IMMP2L: variants seen among roughly 807,000 people sequenced by gnomAD.
IMMP2L encodes the protein mitochondrial inner membrane protease subunit 2.
In IMMP2L, 18 loss-of-function variants were observed where a neutral mutation model predicts 19.3. The ratio of observed to expected loss-of-function variants is 0.93; its 90% confidence interval spans 0.64 to 1.38. IMMP2L has a LOEUF of 1.38. Among genes scored for constraint, IMMP2L ranks in the 40% most tolerant of loss-of-function variants. The probability of loss-of-function intolerance (pLI) is 0.00; values close to 1 mark genes in which losing one functional copy is unlikely to be tolerated. For synonymous variants in IMMP2L, 76 were observed against 73.0 expected, an observed-to-expected ratio of 1.04 and a Z score of -0.21; for missense variants, 233 against 218.2, an observed-to-expected ratio of 1.07 and a Z score of -0.43.
Position 111,299,598 on chromosome 7 carries a change from G to A in IMMP2L, c.239+187640C>T, listed in dbSNP as rs151008210. Reference sequence around the variant, plus strand: ...GAAAAAAAAAAAAAAAAAGAAATGCGTGATTATCTACTTAAAAAGGACACA... The same window carrying A: ...GAAAAAAAAAAAAAAAAAGAAATGCATGATTATCTACTTAAAAAGGACACA... On this transcript the variant is annotated intron_variant, in intron 3 of 5. Coordinates refer to ENST00000405709, the MANE Select transcript of IMMP2L (RefSeq NM_032549.4). Among the ~76,000 whole-genome samples, 629 of 150,130 alleles carry A rather than the reference G, an allele frequency of 4.2e-3. 5 individuals carry two copies. The highest frequency in any genetic ancestry group is 0.015 in the African/African-American group (596 of 40,830).
intron 4 of IMMP2L, among the ~76,000 whole-genome samples, chr7:110,929,682 T>C (rs1815261542): frequency 6.6e-6 from 1 of 152,166 alleles, no homozygotes; most frequent in Non-Finnish European, 1.5e-5. Context: ...GTACTCAACA[T>C]CTTCTGCCTA....
chr7:111,114,654 T>C lies in IMMP2L; in HGVS notation c.240-151089A>G, dbSNP rs555633262. ...GGGAGGCTGAGGCAGGAGAATTGTT[T>C]GAACCCAGGAGGTGGAGGGTGCAGT... On this transcript the variant is annotated intron_variant, in intron 3 of 5. Transcript: ENST00000405709. 1.9e-4 allele frequency among the ~76,000 whole-genome samples: 28 copies of C among 150,160 alleles called. 1 individual carries two copies. The South Asian group carries it at 5.7e-3, about 30-fold the overall frequency.
At chr7:111,547,018 G>A (rs1249521897) in intron 1 of IMMP2L, among the ~76,000 whole-genome samples, 1 of 152,134 alleles carries the variant, frequency 6.6e-6, no homozygotes, top group Non-Finnish European at 1.5e-5. Flanking sequence ...GAGCCAGGTA[G>A]GATAGGTCTT....
rs1017600346 is a variant in IMMP2L, at chr7:110,727,569, T to C, written c.409-63848A>G. Among the ~76,000 whole-genome samples, 32 of 152,124 alleles carry C rather than the reference T, an allele frequency of 2.1e-4. No individual in the cohort carries two copies. Among genetic ancestry groups the C allele is most frequent in the Non-Finnish European group, 4.4e-5 (3 of 68,032 alleles). On this transcript the variant is annotated intron_variant, in intron 5 of 5. Coordinates refer to ENST00000405709, the MANE Select transcript of IMMP2L (RefSeq NM_032549.4). This position sits in a 1 kb window ranked among gnomAD's most constrained non-coding sequence, Gnocchi z 4.3. Reference sequence around the variant, plus strand: ...GAAACTGATGTTAGCAAATTGAAGGTAGAGGAGAAGACAAGGTAGGGAAAG... The same window carrying C: ...GAAACTGATGTTAGCAAATTGAAGGCAGAGGAGAAGACAAGGTAGGGAAAG...
chr7:111,363,774 C>T (rs74677261), intron 3 of IMMP2L, among the ~76,000 whole-genome samples: 1,747 of 152,172 alleles, frequency 0.011, 22 homozygotes, highest in Non-Finnish European at 0.02. Flanking sequence ...ACAAGATTAC[C>T]TGATCCCTAT....
intron 3 of IMMP2L, among the ~76,000 whole-genome samples, chr7:111,083,371 G>T (rs1226122909): frequency 2.0e-5 from 3 of 152,152 alleles, no homozygotes; most frequent in Non-Finnish European, 4.4e-5. Context: ...CCAATTAGGA[G>T]AATAAAAATA....
chr7:110,932,410 G>C (rs1016012962), intron 4 of IMMP2L, among the ~76,000 whole-genome samples: 1 of 151,956 alleles, frequency 6.6e-6, no homozygotes, highest in Admixed American at 6.6e-5. Context: ...CTGGAGTGCA[G>C]TGGCAAGATC....
chr7:111,477,238 C>T (rs966762383), intron 3 of IMMP2L, among the ~76,000 whole-genome samples: 2 of 152,154 alleles, frequency 1.3e-5, no homozygotes, highest in Admixed American at 1.3e-4. Flanking sequence ...CCTCTACCAA[C>T]CACCAGGGCT....
At chr7:111,443,340 C>T (rs777622050) in intron 3 of IMMP2L, among the ~76,000 whole-genome samples, 1 of 149,634 alleles carries the variant, frequency 6.7e-6, no homozygotes, top group Admixed American at 6.6e-5. Flanking sequence ...GAACTTGCTA[C>T]TTTAAAGACA....
intron 3 of IMMP2L, among the ~76,000 whole-genome samples, chr7:110,965,402 A>T (rs993158004): frequency 2.6e-5 from 4 of 152,078 alleles, no homozygotes; most frequent in African/African-American, 9.6e-5. Context: ...TGTCTTGCAG[A>T]GAAAATGAAA....
intron 3 of IMMP2L, among the ~76,000 whole-genome samples, chr7:111,442,439 G>A (rs939566750): frequency 6.6e-6 from 1 of 151,674 alleles, no homozygotes; most frequent in African/African-American, 2.4e-5. Context: ...TGATTTTCTA[G>A]ACCTTCCAAA....
intron 5 of IMMP2L, among the ~76,000 whole-genome samples, chr7:110,680,768 A>G (rs1381448619): frequency 6.6e-6 from 1 of 152,218 alleles, no homozygotes; most frequent in Non-Finnish European, 1.5e-5. Flanking sequence ...GCTAGGCGGA[A>G]GCACCTGACC....
intron 5 of IMMP2L, among the ~76,000 whole-genome samples, chr7:110,767,290 A>G (rs909651139): frequency 3.9e-5 from 6 of 152,302 alleles, no homozygotes; most frequent in Admixed American, 2.6e-4. Context: ...AACCAGAAAG[A>G]GATTTCATGC....
chr7:111,465,991 A>C (rs998968678), intron 3 of IMMP2L, among the ~76,000 whole-genome samples: 6 of 152,204 alleles, frequency 3.9e-5, no homozygotes, highest in Non-Finnish European at 5.9e-5. Context: ...AATACTATGC[A>C]GCCATAAAAA....
Position 111,454,749 on chromosome 7 carries a change from C to T in IMMP2L, c.239+32489G>A, listed in dbSNP as rs541750820. On this transcript the variant is annotated intron_variant, in intron 3 of 5. Transcript: ENST00000405709. ...AAGCTTTTTTTTAAGTTTCTCTTTA[C>T]CCAAAAATATAATCTGGATTAAATT... is the stretch of plus-strand genomic sequence containing the variant. Among the ~76,000 whole-genome samples the T allele has an allele frequency of 1.6e-4, 25 of 151,582 alleles. No individual in the cohort carries two copies. In the South Asian group the frequency reaches 5.0e-3, roughly 30 times the overall value.
At chr7:110,934,204 C>T (rs1563092262) in intron 4 of IMMP2L, among the ~76,000 whole-genome samples, 1 of 152,118 alleles carries the variant, frequency 6.6e-6, no homozygotes. Context: ...GTCTGAGAGA[C>T]TGCTTGTTAT....
chr7:110,816,466 T>C (rs943357486), intron 5 of IMMP2L, among the ~76,000 whole-genome samples: 3 of 151,960 alleles, frequency 2.0e-5, no homozygotes, highest in Non-Finnish European at 2.9e-5. Flanking sequence ...GAGAGTTCTG[T>C]AGATGTCTAT....
rs549932070 is a variant in IMMP2L at position 110,808,304 on chromosome 7, T to A, written c.408+78289A>T. Among the ~76,000 whole-genome samples the A allele has an allele frequency of 1.8e-4, 28 of 152,180 alleles. No individual in the cohort carries two copies. The East Asian group carries it at 5.2e-3, about 29-fold the overall frequency. ...TTTGGCTTGGTGGTAGTAGGCAGTATAAAGCAGAGCAGCCACCATGCGCTA... is the reference window on the plus strand; with the variant it reads ...TTTGGCTTGGTGGTAGTAGGCAGTAAAAAGCAGAGCAGCCACCATGCGCTA... On this transcript the variant is annotated intron_variant, in intron 5 of 5. Transcript: ENST00000405709.
intron 3 of IMMP2L, among the ~76,000 whole-genome samples, chr7:111,428,659 T>C (rs1836326898): frequency 6.6e-6 from 1 of 151,678 alleles, no homozygotes; most frequent in Non-Finnish European, 1.5e-5. Context: ...ATTTTAAAAC[T>C]AGAGCAGTAC....
Sources: gnomAD v4.1 joint callset for allele counts (sites outside exome capture counted in the v4.1 genomes callset) on GRCh38, gnomAD v4.1.1 for gene constraint, Gnocchi (gnomAD v3.1) non-coding constraint, MANE v1.5 for transcripts, NCBI Gene and HGNC (gene_info 2026-07-23, HGNC 2026-07-21) for gene names.